The following ZDHHC1 variants were observed in gnomAD, a reference collection of about 807,000 sequenced individuals.
The protein encoded by ZDHHC1 is zDHHC palmitoyltransferase 1.
A neutral mutation model predicts 46.9 loss-of-function variants in ZDHHC1; 45 were observed. The ratio of observed to expected loss-of-function variants is 0.96; its 90% CI spans 0.76 to 1.23. ZDHHC1 has a LOEUF of 1.23. Ranked by LOEUF, ZDHHC1 falls within the 50% of genes most tolerant of loss-of-function variation. The pLI is 0.00. For missense variants in ZDHHC1, 649 were observed against 670.8 expected (o/e 0.97, Z 0.36); for synonymous variants, 291 against 286.0 (o/e 1.02, Z -0.18).
At chr16:67,415,622 C>T (rs1440497161) in intron 1 of ZDHHC1, among the ~76,000 whole-genome samples, 1 of 151,488 alleles carries the variant, frequency 6.6e-6, no homozygotes, top group Admixed American at 6.6e-5. Flanking sequence ...CCGGGCGTGG[C>T]GGCGGGCGCC....
Position 67,398,205 on chromosome 16 carries a change from T to G in ZDHHC1, c.927+7A>C, listed in dbSNP as rs1276473704. 1.3e-6 allele frequency: 2 copies of G among 1,536,396 alleles called. No individual in the cohort carries two copies. The highest frequency in any genetic ancestry group is 1.8e-6 in the Non-Finnish European group (2 of 1,111,152). Reference sequence around the variant, plus strand: ...CCAGGCCCCCTCCCACCCTTCATCCTCTATACCTGAATGGGCCGCATCTTG... The same window carrying G: ...CCAGGCCCCCTCCCACCCTTCATCCGCTATACCTGAATGGGCCGCATCTTG... On this transcript the variant is annotated splice_region_variant and intron_variant, in intron 8 of 11. Coordinates refer to ENST00000565726, the MANE Select transcript of ZDHHC1 (RefSeq NM_001323627.2).
rs762668418 is a variant in ZDHHC1 at position 67,398,282 on chromosome 16, C to A, written c.857G>T (p.Arg286Leu). ...AACCCCCTTGGCCTCCTGTGGTGGG[C>A]GGTGCTGCACGATGTACTCATAGGT... ...LTTYEYIVQH[R>L]PPQEAKGVHR... Residue 286 changes from arginine (R) to leucine (L), a missense_variant, in exon 8 of 12, where the codon CGC becomes CTC. Coordinates refer to ENST00000565726, the MANE Select transcript of ZDHHC1 (RefSeq NM_001323627.2). The A allele has an allele frequency of 6.2e-7, 1 of 1,613,984 alleles. No individual in the cohort carries two copies. Among genetic ancestry groups the A allele is most frequent in the African/African-American group, 1.3e-5 (1 of 75,036 alleles).
chr16:67,413,973 T>C (rs2040793468), intron 1 of ZDHHC1, among the ~76,000 whole-genome samples: 1 of 150,160 alleles, frequency 6.7e-6, no homozygotes. Flanking sequence ...TCTGATGCTA[T>C]GGCAAGAAAA....
At chr16:67,396,384 A>C (rs2040432323) in intron 8 of ZDHHC1, 2 of 152,196 alleles carry the variant, frequency 1.3e-5, no homozygotes. Flanking sequence ...GCGGGGTGGG[A>C]GCCGGGAGGG....
intron 1 of ZDHHC1, among the ~76,000 whole-genome samples, chr16:67,414,133 A>T (rs1408284940): frequency 1.3e-5 from 2 of 152,290 alleles, no homozygotes; most frequent in East Asian, 3.9e-4. Context: ...GAATAGAAAC[A>T]AGGCCAGTGA....
At chr16:67,409,647 A>T (rs1294786020) in intron 1 of ZDHHC1, among the ~76,000 whole-genome samples, 1 of 152,196 alleles carries the variant, frequency 6.6e-6, no homozygotes, top group Non-Finnish European at 1.5e-5. Flanking sequence ...AGGCCCATGG[A>T]TGGGACCAAG....
chr16:67,407,872 C>A, intron 1 of ZDHHC1, 59 bp from the exon 2 acceptor site: 1 of 739,920 alleles, frequency 1.4e-6, no homozygotes, highest in Non-Finnish European at 2.5e-6. Flanking sequence ...CCACCCTAAG[C>A]CATCTGGCCT....
Position 67,395,476 on chromosome 16 carries a change from G to T in ZDHHC1, c.1010+8C>A. 6.4e-7 allele frequency: 1 copy of T among 1,552,148 alleles called. No homozygotes were observed. The highest frequency in any genetic ancestry group is 2.4e-5 in the East Asian group (1 of 41,128). ...ATGCCCAGTGGCACATGCCCAGGTT[G>T]CACTCACTTGGCATTCACTGCTGCT... On this transcript the variant is annotated splice_region_variant and intron_variant, in intron 9 of 11. Coordinates refer to ENST00000565726, the MANE Select transcript of ZDHHC1 (RefSeq NM_001323627.2).
Position 67,394,793 on chromosome 16 carries a change from CGACGCCGA to C in ZDHHC1, c.1258_1265del (p.Ser420GlyfsTer76). 6 of 1,535,434 alleles carry C rather than the reference CGACGCCGA, an allele frequency of 3.9e-6. No homozygotes were observed. The highest frequency in any genetic ancestry group is 5.2e-6 in the Non-Finnish European group (6 of 1,145,668). ...CTGGAATCTCGTCCACGGACTCTGCCGACGCCGAGTGGTAGGCGCCGGCAGGGCCAGCG... is the reference window on the plus strand; with the variant it reads ...CTGGAATCTCGTCCACGGACTCTGCCGTGGTAGGCGCCGGCAGGGCCAGCG... On this transcript the variant is annotated frameshift_variant, in exon 12 of 12. Transcript: ENST00000565726. LOFTEE classifies it low-confidence loss of function (END_TRUNC).
chr16:67,416,374 G>T lies in ZDHHC1; in HGVS notation c.-242C>A. On this transcript the variant is annotated 5_prime_UTR_variant, in exon 1 of 12. Transcript: ENST00000565726. ...TGGGCCGGTGAGTCCTCGAGCTCTGGCTCTGGCTCCGGCTCCGGCTCCGGC... is the reference window on the plus strand; with the variant it reads ...TGGGCCGGTGAGTCCTCGAGCTCTGTCTCTGGCTCCGGCTCCGGCTCCGGC... The T allele has an allele frequency of 4.8e-6, 1 of 209,786 alleles. No homozygotes were observed. The highest frequency in any genetic ancestry group is 5.1e-5 in the South Asian group (1 of 19,494). The allele number at this position is 209,786 out of a possible 1,614,324, so 13.0% of individuals were successfully genotyped here.
chr16:67,395,366 T>A, intron 9 of ZDHHC1, 86 bp from the exon 10 acceptor site: 1 of 1,504,610 alleles, frequency 6.6e-7, no homozygotes. Context: ...TCCCTTCCTG[T>A]TAGCTCAGAG....
Position 67,394,686 on chromosome 16 carries a change from C to G in ZDHHC1, c.1373G>C (p.Arg458Pro). 7.9e-7 allele frequency: 1 copy of G among 1,259,340 alleles called. No homozygotes were observed. Among genetic ancestry groups the G allele is most frequent in the East Asian group, 3.3e-5 (1 of 30,322 alleles). 78.0% of individuals were successfully genotyped at this position (1,259,340 alleles called of 1,614,324 possible). A position where few individuals can be genotyped will look rare whatever the true frequency, so the allele number is the denominator to read the frequency against. Residue 458 changes from arginine (R) to proline (P), a missense_variant, in exon 12 of 12, where the codon CGT (arginine) becomes CCT (proline). By Grantham distance (103) the Arg-to-Pro change is moderately radical. Coordinates refer to ENST00000565726, the MANE Select transcript of ZDHHC1 (RefSeq NM_001323627.2). ...CGGGCTCACGAAAACGGCGGGCGCACGCGCCTGCCGCGCCAGCGTGGGCTG... is the reference window on the plus strand; with the variant it reads ...CGGGCTCACGAAAACGGCGGGCGCAGGCGCCTGCCGCGCCAGCGTGGGCTG... ...GRQPTLARQARAPAVFVSPSS... is the reference protein window; with the variant it reads ...GRQPTLARQAPAPAVFVSPSS...
intron 1 of ZDHHC1, among the ~76,000 whole-genome samples, chr16:67,410,335 C>G (rs1450213749): frequency 6.6e-6 from 1 of 152,218 alleles, no homozygotes; most frequent in Non-Finnish European, 1.5e-5. Flanking sequence ...CCAGCTGCAT[C>G]TTTGCAAGGC....
intron 8 of ZDHHC1, chr16:67,396,219 C>T (rs1051660424): frequency 1.3e-5 from 2 of 152,392 alleles, no homozygotes; most frequent in African/African-American, 4.8e-5. Context: ...AGCAAAGGGG[C>T]CTTGAGGCCA....
intron 1 of ZDHHC1, among the ~76,000 whole-genome samples, chr16:67,411,153 A>G (rs757717881): frequency 1.3e-5 from 2 of 152,196 alleles, no homozygotes; most frequent in South Asian, 2.1e-4. Flanking sequence ...CAAAGGAACC[A>G]CACCAAGGTG....
chr16:67,415,025 C>G (rs567718514), intron 1 of ZDHHC1, among the ~76,000 whole-genome samples: 1 of 152,056 alleles, frequency 6.6e-6, no homozygotes, highest in Non-Finnish European at 1.5e-5. Flanking sequence ...TAATCCCAGA[C>G]TTGGGGGGCT....
At chr16:67,405,911 CCTT>C (rs1276419842) in intron 3 of ZDHHC1, among the ~76,000 whole-genome samples, 1 of 152,204 alleles carries the variant, frequency 6.6e-6, no homozygotes, top group Non-Finnish European at 1.5e-5. Context: ...TGAGGCTCCT[CCTT>C]CTATGACTGC....
Position 67,398,200 on chromosome 16 carries a change from C to T in ZDHHC1, c.927+12G>A, listed in dbSNP as rs1405340083. On this transcript the variant is annotated intron_variant, in intron 8 of 11. Coordinates refer to ENST00000565726, the MANE Select transcript of ZDHHC1 (RefSeq NM_001323627.2). ...CACACCCAGGCCCCCTCCCACCCTT[C>T]ATCCTCTATACCTGAATGGGCCGCA... The T allele has an allele frequency of 1.3e-6, 2 of 1,599,830 alleles. No homozygotes were observed. Among genetic ancestry groups the T allele is most frequent in the Non-Finnish European group, 1.7e-6 (2 of 1,167,228 alleles).
chr16:67,406,182 A>T lies in ZDHHC1; in HGVS notation c.252+18T>A. ...CTCCCCACTTCCACACACCAGCCCT[A>T]CGCTTTCCCAAGGATACAGCGTAGC... On this transcript the variant is annotated intron_variant, in intron 3 of 11. Coordinates refer to ENST00000565726, the MANE Select transcript of ZDHHC1 (RefSeq NM_001323627.2). This position sits in a 1 kb window ranked among gnomAD's most constrained non-coding sequence, Gnocchi z 4.1. 1 of 1,612,514 alleles carries T rather than the reference A, an allele frequency of 6.2e-7. No homozygotes were observed. The highest frequency in any genetic ancestry group is 8.5e-7 in the Non-Finnish European group (1 of 1,179,156).
Sources: gnomAD v4.1 joint callset for allele counts (sites outside exome capture counted in the v4.1 genomes callset) on GRCh38, gnomAD v4.1.1 for gene constraint, Gnocchi (gnomAD v3.1) non-coding constraint, MANE v1.5 for transcripts, NCBI Gene and HGNC (gene_info 2026-07-23, HGNC 2026-07-21) for gene names.